The following RBM27 variants were observed in gnomAD, a reference collection of about 807,000 sequenced individuals.
RBM27 encodes the protein RNA binding motif protein 27.
RBM27 carries 22 observed loss-of-function variants against 135.3 expected under a neutral mutation model. The ratio of observed to expected loss-of-function variants is 0.16; its 90% CI spans 0.12 to 0.23. The LOEUF (loss-of-function observed/expected upper bound fraction) is 0.23, where lower values mean the gene tolerates loss of function less well. Ranked by LOEUF, RBM27 falls within the 10% of genes least tolerant of loss-of-function variation. The pLI is 1.00. For missense variants in RBM27, 1,009 were observed against 1,281.0 expected (o/e 0.79, Z 3.24); for synonymous variants, 481 against 442.4 (o/e 1.09, Z -1.10).
At chr5:146,264,555 T>C (rs1435735193) in intron 14 of RBM27, among the ~76,000 whole-genome samples, 3 of 150,866 alleles carry the variant, frequency 2.0e-5, no homozygotes, top group Admixed American at 6.7e-5. Context: ...TATTCTGTCA[T>C]AGTAAAAAAC....
At chr5:146,225,958 G>A (rs1258226952) in intron 3 of RBM27, among the ~76,000 whole-genome samples, 3 of 151,734 alleles carry the variant, frequency 2.0e-5, no homozygotes, top group Non-Finnish European at 4.4e-5. Context: ...TACCTTTCAG[G>A]TTCAGGCGAT....
intron 14 of RBM27, among the ~76,000 whole-genome samples, chr5:146,267,254 G>A (rs912162783): frequency 3.3e-5 from 5 of 152,200 alleles, no homozygotes; most frequent in Admixed American, 2.6e-4. Context: ...GGCTAAAGCA[G>A]TAAGTGGTAA....
chr5:146,269,461 A>G lies in RBM27; in HGVS notation c.2568A>G (p.Pro856=), dbSNP rs1255598513. Residue 856 remains proline (P), a synonymous_variant, in exon 17 of 21, where the codon CCA becomes CCG. Transcript: ENST00000265271. The part of the protein sequence containing the change: ...SKLEKNKNMK[P]EERANIMKTL... ...TAGAAAAAAACAAAAACATGAAACC[A>G]GAAGAAAGAGCAAATATAATGAAGA... 2 of 1,569,642 alleles carry G rather than the reference A, an allele frequency of 1.3e-6. No homozygotes were observed. The highest frequency in any genetic ancestry group is 2.3e-5 in the East Asian group (1 of 44,260).
intron 19 of RBM27, among the ~76,000 whole-genome samples, chr5:146,281,592 AT>A (rs984481163): frequency 6.6e-6 from 1 of 152,210 alleles, no homozygotes; most frequent in Non-Finnish European, 1.5e-5. Context: ...AGTTTATGAA[AT>A]TTGTGTTGGG....
rs534935869 is a variant in RBM27, at chr5:146,286,154, C to T, written c.*124C>T. The stretch of plus-strand genomic sequence containing the variant: ...ATTTTTCTTTTCAACACAGTAGGTT[C>T]AAGAACAGCAAGTTTGCTATTTAAA... On this transcript the variant is annotated 3_prime_UTR_variant, in exon 21 of 21. Transcript: ENST00000265271. The T allele has an allele frequency of 3.0e-6, 2 of 671,670 alleles. No homozygotes were observed. Among genetic ancestry groups the T allele is most frequent in the African/African-American group, 3.7e-5 (2 of 54,718 alleles). The allele number at this position is 671,670 out of a possible 1,614,324, so 41.6% of individuals were successfully genotyped here. A position where few individuals can be genotyped will look rare whatever the true frequency, so the allele number is the denominator to read the frequency against.
intron 8 of RBM27, 49 bp downstream of exon 8, chr5:146,237,481 A>G: frequency 6.3e-7 from 1 of 1,578,202 alleles, no homozygotes; most frequent in South Asian, 1.1e-5. Context: ...AGAAAAGCCA[A>G]GTTGTCTCAT....
intron 12 of RBM27, 46 bp downstream of exon 12, chr5:146,260,944 C>T (rs751287636): frequency 6.5e-7 from 1 of 1,537,072 alleles, no homozygotes; most frequent in South Asian, 1.2e-5. Flanking sequence ...TTTTATGGGT[C>T]TTGGGAATAT....
At chr5:146,279,861 A>C (rs1412170780) in intron 19 of RBM27, among the ~76,000 whole-genome samples, 3 of 151,958 alleles carry the variant, frequency 2.0e-5, no homozygotes, top group Admixed American at 2.0e-4. Flanking sequence ...CCCTTTTATT[A>C]ATCTTTTTCC....
intron 19 of RBM27, among the ~76,000 whole-genome samples, chr5:146,283,544 A>T (rs1274883006): frequency 6.7e-6 from 1 of 149,412 alleles, no homozygotes; most frequent in East Asian, 2.0e-4. Flanking sequence ...TCTCAAAAAG[A>T]AAAAAAAAAG....
chr5:146,272,491 G>A (rs1315482719), intron 19 of RBM27, among the ~76,000 whole-genome samples: 1 of 152,170 alleles, frequency 6.6e-6, no homozygotes, highest in African/African-American at 2.4e-5. Context: ...GCTGAGGCAG[G>A]TGGATGACCT....
chr5:146,277,689 ATTTTTTT>A (rs760787929), intron 19 of RBM27, among the ~76,000 whole-genome samples: 1 of 138,346 alleles, frequency 7.2e-6, no homozygotes, highest in Admixed American at 7.3e-5. Context: ...GGCCCAGCTA[ATTTTTTT>A]TTTTTTTTTG....
intron 20 of RBM27, among the ~76,000 whole-genome samples, chr5:146,285,247 TC>T (rs1759534199): frequency 6.6e-6 from 1 of 152,176 alleles, no homozygotes; most frequent in Admixed American, 6.5e-5. Flanking sequence ...GCTTTTTTAC[TC>T]CTGTTGTTTA....
chr5:146,220,935 T>G (rs1327600355), intron 2 of RBM27, among the ~76,000 whole-genome samples: 54 of 152,044 alleles, frequency 3.6e-4, no homozygotes, highest in Non-Finnish European at 8.8e-5. Flanking sequence ...TAGAAAGGAT[T>G]GGCCAGGCGC....
chr5:146,210,266 T>C (rs1755875439), intron 1 of RBM27, among the ~76,000 whole-genome samples: 1 of 152,148 alleles, frequency 6.6e-6, no homozygotes, highest in Admixed American at 6.5e-5. Flanking sequence ...AGTAAGAATT[T>C]TTTAGTAGTC....
chr5:146,245,008 G>A (rs184820083), intron 8 of RBM27, among the ~76,000 whole-genome samples: 1 of 152,076 alleles, frequency 6.6e-6, no homozygotes, highest in African/African-American at 2.4e-5. Context: ...CAAATAACTA[G>A]GCTGTACAGG....
chr5:146,232,032 A>G (rs931979159), intron 6 of RBM27, among the ~76,000 whole-genome samples: 2 of 152,308 alleles, frequency 1.3e-5, no homozygotes, highest in Middle Eastern at 3.4e-3. Context: ...TATTTCTTTT[A>G]AATTTTTATT....
intron 8 of RBM27, 99 bp from the exon 9 acceptor site, chr5:146,251,612 T>C: frequency 8.5e-7 from 1 of 1,180,126 alleles, no homozygotes; most frequent in Non-Finnish European, 1.2e-6. Flanking sequence ...GTTGGTTTAA[T>C]TTCTCTGTTT....
Position 146,286,162 on chromosome 5 carries a change from G to A in RBM27, c.*132G>A. On this transcript the variant is annotated 3_prime_UTR_variant, in exon 21 of 21. Transcript: ENST00000265271. The stretch of plus-strand genomic sequence containing the variant: ...TTTCAACACAGTAGGTTCAAGAACA[G>A]CAAGTTTGCTATTTAAACACATCTC... 1 of 654,680 alleles carries A rather than the reference G, an allele frequency of 1.5e-6. No homozygotes were observed. Among genetic ancestry groups the A allele is most frequent in the Non-Finnish European group, 2.5e-6 (1 of 394,538 alleles). 40.6% of individuals were successfully genotyped at this position (654,680 alleles called of 1,614,324 possible). A position where few individuals can be genotyped will look rare whatever the true frequency, so the allele number is the denominator to read the frequency against.
intron 14 of RBM27, 30 bp from the exon 15 acceptor site, chr5:146,267,619 G>A (rs1235837501): frequency 7.4e-7 from 1 of 1,346,574 alleles, no homozygotes; most frequent in Admixed American, 2.1e-5. Context: ...TTATATTTGT[G>A]TGTGCTTTTT....
Sources: allele counts gnomAD v4.1 joint callset (sites outside exome capture counted in the v4.1 genomes callset), GRCh38; gene constraint gnomAD v4.1.1; transcripts MANE v1.5; gene names NCBI Gene and HGNC (gene_info 2026-07-23, HGNC 2026-07-21).